The following FAT1 variants were observed in gnomAD, a reference collection of about 807,000 sequenced individuals.
FAT1 encodes protocadherin Fat 1.
FAT1 carries 171 observed loss-of-function variants against 329.8 expected under a neutral mutation model. The ratio of observed to expected loss-of-function variants is 0.52; its 90% CI spans 0.46 to 0.59. FAT1 has a LOEUF of 0.59. Among genes scored for constraint, FAT1 ranks in the 20% least tolerant of loss-of-function variants. FAT1 has a pLI of 0.00. For synonymous variants in FAT1, 2,233 were observed against 2,228.6 expected (o/e 1.00, Z -0.06); for missense variants, 5,672 against 5,774.4 (o/e 0.98, Z 0.57).
Position 186,597,178 on chromosome 4 carries a change from AG to A in FAT1, c.12369-8del. Reference sequence around the variant, plus strand: ...GTCGATATCACTCTGACACCTGCCAAGGAAGTCAGGAATGAGGAGAGACCTC... The same window carrying A: ...GTCGATATCACTCTGACACCTGCCAAGAAGTCAGGAATGAGGAGAGACCTC... On this transcript the variant is annotated splice_polypyrimidine_tract_variant and splice_region_variant and intron_variant, in intron 24 of 26. Coordinates refer to ENST00000441802, the MANE Select transcript of FAT1 (RefSeq NM_005245.4). The A allele has an allele frequency of 1.9e-6, 3 of 1,590,152 alleles. No individual in the cohort carries two copies. The highest frequency in any genetic ancestry group is 1.2e-5 in the South Asian group (1 of 86,234).
At chr4:186,604,659 T>C (rs1285085881) in intron 17 of FAT1, 85 bp from the exon 18 acceptor site, 3 of 831,960 alleles carry the variant, frequency 3.6e-6, no homozygotes, top group African/African-American at 1.7e-5. Context: ...TTTTCTATAA[T>C]ATAAAATACA....
Position 186,588,842 on chromosome 4 carries a change from G to A in FAT1, c.13517C>T (p.Thr4506Ile), listed in dbSNP as rs757850899. The change falls in exon 27 of 27, where the codon ACT becomes ATT. Residue 4506 changes from threonine to isoleucine, a missense_variant. Around this residue, in one of 2 missense-constraint regions of FAT1, gnomAD observed 1,706 missense variants for 1,859.1 expected, o/e 0.92. Transcript: ENST00000441802. ...TTCTCTACAAGTACTATTCTCACCA[G>A]TGCCTTTTGTTTGAGGTTCAGACAT... ...LDMSEPQTKG[T>I]GENSTCREPH... 1.2e-6 allele frequency: 2 copies of A among 1,613,998 alleles called. No homozygotes were observed. The highest frequency in any genetic ancestry group is 1.3e-5 in the African/African-American group (1 of 75,030).
In FAT1 at chr4:186,613,387, C is replaced by T. The variant is rs762207884; in HGVS notation, c.9230-45G>A. 1.7e-5 allele frequency: 25 copies of T among 1,453,894 alleles called. No homozygotes were observed. In the African/African-American group the frequency reaches 2.9e-4, roughly 17 times the overall value. 90.1% of individuals were successfully genotyped at this position (1,453,894 alleles called of 1,614,324 possible). A position where few individuals can be genotyped will look rare whatever the true frequency, so the allele number is the denominator to read the frequency against. On this transcript the variant is annotated intron_variant, in intron 12 of 26. Coordinates refer to ENST00000441802, the MANE Select transcript of FAT1 (RefSeq NM_005245.4). Reference sequence around the variant, plus strand: ...GACTCACTTGTAATTTAAGACGTGACTTGCAGTTGTACATCTTATTTCCTC... The same window carrying T: ...GACTCACTTGTAATTTAAGACGTGATTTGCAGTTGTACATCTTATTTCCTC...
chr4:186,682,526 C>CAAAAAATAAAAAAA (rs1743268684), intron 2 of FAT1, among the ~76,000 whole-genome samples: 1 of 119,706 alleles, frequency 8.4e-6, no homozygotes, highest in Non-Finnish European at 1.6e-5. Flanking sequence ...GACTCTGTCT[C>CAAAAAATAAAAAAA]AAAAAAAAAA....
intron 2 of FAT1, among the ~76,000 whole-genome samples, chr4:186,679,276 G>T (rs969264091): frequency 6.6e-6 from 1 of 151,972 alleles, no homozygotes; most frequent in African/African-American, 2.4e-5. Context: ...AATTACCCGG[G>T]CGTGGTGGCG....
chr4:186,655,310 G>C (rs146331446), intron 3 of FAT1, among the ~76,000 whole-genome samples: 2,613 of 152,280 alleles, frequency 0.017, 22 homozygotes, highest in Non-Finnish European at 0.025. Context: ...AGATGAATGA[G>C]AAGAGGTAAA....
chr4:186,690,805 G>T (rs1743722300), intron 2 of FAT1, among the ~76,000 whole-genome samples: 1 of 152,130 alleles, frequency 6.6e-6, no homozygotes, highest in African/African-American at 2.4e-5. Context: ...AGTCGAAACT[G>T]AAATTTGCTG....
intron 1 of FAT1, among the ~76,000 whole-genome samples, chr4:186,715,274 C>T (rs1035853983): frequency 7.2e-5 from 11 of 151,906 alleles, no homozygotes; most frequent in African/African-American, 2.7e-4. Context: ...CCACTCATCC[C>T]CAACTGGATT....
At chr4:186,616,878 C>A in intron 11 of FAT1, 127 bp downstream of exon 11, 1 of 789,374 alleles carries the variant, frequency 1.3e-6, no homozygotes, top group Non-Finnish European at 2.0e-6. Context: ...CATTTAACAC[C>A]TCTGCTTAAT....
chr4:186,710,796 A>C (rs1448742070), intron 1 of FAT1, among the ~76,000 whole-genome samples: 1 of 152,208 alleles, frequency 6.6e-6, no homozygotes, highest in Non-Finnish European at 1.5e-5. Context: ...GTCAAGGGTC[A>C]AATCAGTCTA....
At position 186,629,448 on chromosome 4, in the gene FAT1, G is replaced by T. The variant is rs115196949; in HGVS notation, c.4324-685C>A. The stretch of plus-strand genomic sequence containing the variant: ...GAAAAAAGCAAATGTTAAGAAACTT[G>T]GTACTAAGCTAAATTAGAAACAAAC... On this transcript the variant is annotated intron_variant, in intron 7 of 26. Transcript: ENST00000441802. Among the ~76,000 whole-genome samples, 985 of 152,210 alleles carry T rather than the reference G, an allele frequency of 6.5e-3. 8 individuals carry two copies. Among genetic ancestry groups the T allele is most frequent in the Middle Eastern group, 0.017 (5 of 292 alleles).
Position 186,588,941 on chromosome 4 carries a change from C to A in FAT1, c.13418G>T (p.Ser4473Ile). Reference protein sequence around the residue: ...HPPRDMPAAGSLGSSSRNRQR... With the variant: ...HPPRDMPAAGILGSSSRNRQR... ...CCGGTTTCTTGATGAAGAACCCAAG[C>A]TACCCGCGGCAGGCATGTCTCTAGG... The change falls in exon 27 of 27, where the codon AGC (serine) becomes ATC (isoleucine). Residue 4473 changes from serine to isoleucine, a missense_variant. Physicochemically the swap from Ser to Ile is moderately radical, Grantham distance 142. Transcript: ENST00000441802. 1.2e-6 allele frequency: 2 copies of A among 1,613,990 alleles called. No homozygotes were observed. Among genetic ancestry groups the A allele is most frequent in the Non-Finnish European group, 1.7e-6 (2 of 1,179,890 alleles).
chr4:186,639,658 TG>T lies in FAT1; in HGVS notation c.3642+63del, dbSNP rs77346323. ...GAATACTGGTTAATGGGAACAAGAT[TG>T]TTCTTTCCCATGATACTTGTAACTA... On this transcript the variant is annotated intron_variant, in intron 4 of 26. Coordinates refer to ENST00000441802, the MANE Select transcript of FAT1 (RefSeq NM_005245.4). The T allele has an allele frequency of 0.046, 50,505 of 1,097,130 alleles. 2,683 individuals are homozygous for T. The highest frequency in any genetic ancestry group is 0.21 in the East Asian group (8,898 of 42,394). The allele number at this position is 1,097,130 out of a possible 1,614,324, so 68.0% of individuals were successfully genotyped here. A position where few individuals can be genotyped will look rare whatever the true frequency, so the allele number is the denominator to read the frequency against.
chr4:186,705,515 C>G (rs1162421962), intron 2 of FAT1, among the ~76,000 whole-genome samples: 1 of 152,194 alleles, frequency 6.6e-6, no homozygotes, highest in Non-Finnish European at 1.5e-5. Flanking sequence ...TTTCCACTAT[C>G]ATTCTCAGAG....
chr4:186,715,487 C>T (rs79615782), intron 1 of FAT1, among the ~76,000 whole-genome samples: 2,490 of 152,224 alleles, frequency 0.016, 86 homozygotes, highest in East Asian at 0.09. Flanking sequence ...CATTGTTAAC[C>T]GTGCAGTAAT....
rs898532261 is a variant in FAT1, at chr4:186,619,844, G to A, written c.6742C>T (p.Pro2248Ser). The change falls in exon 10 of 27, where the codon CCG becomes TCG. Residue 2248 changes from proline to serine, a missense_variant. By Grantham distance (74) the Pro-to-Ser change is moderately conservative. Around this residue, in one of 2 missense-constraint regions of FAT1, gnomAD observed 3,966 missense variants for 3,915.2 expected, o/e 1.01. Transcript: ENST00000441802. ...VIAPLDFEAHPAYKLSIRATD... is the reference protein window; with the variant it reads ...VIAPLDFEAHSAYKLSIRATD... ...GCGCGTATGCTCAGCTTATATGCCG[G>A]GTGGGCCTCAAAGTCCAGAGGAGCT... 1.2e-6 allele frequency: 2 copies of A among 1,613,956 alleles called. No individual in the cohort carries two copies. The highest frequency in any genetic ancestry group is 2.2e-5 in the East Asian group (1 of 44,860).
At chr4:186,591,644 C>T (rs981407465) in intron 26 of FAT1, among the ~76,000 whole-genome samples, 2 of 152,168 alleles carry the variant, frequency 1.3e-5, no homozygotes, top group African/African-American at 4.8e-5. Flanking sequence ...TGCTGAAGGT[C>T]ATCAGTTTAA....
At chr4:186,720,742 G>A (rs912222565) in intron 1 of FAT1, among the ~76,000 whole-genome samples, 4 of 152,186 alleles carry the variant, frequency 2.6e-5, no homozygotes, top group Admixed American at 2.0e-4. Context: ...TGTTGTGTCT[G>A]GCCCAATGTT....
intron 2 of FAT1, among the ~76,000 whole-genome samples, chr4:186,695,398 G>A (rs1427225655): frequency 6.6e-6 from 1 of 152,116 alleles, no homozygotes; most frequent in Non-Finnish European, 1.5e-5. Context: ...AGAGGAACCC[G>A]CATTGCTACT....
Sources: allele counts gnomAD v4.1 joint callset (sites outside exome capture counted in the v4.1 genomes callset), GRCh38; gene constraint gnomAD v4.1.1; regional missense constraint gnomAD v4.1.1; transcripts MANE v1.5; gene names NCBI Gene and HGNC (gene_info 2026-07-23, HGNC 2026-07-21).